The following DUSP1 variants were observed in gnomAD, a reference collection of about 807,000 sequenced individuals.
DUSP1 encodes dual specificity protein phosphatase 1.
A neutral mutation model predicts 27.4 loss-of-function variants in DUSP1; 10 were observed. The observed-to-expected ratio is 0.37, with a 90% CI of 0.23 to 0.62. The LOEUF (loss-of-function observed/expected upper bound fraction) is 0.62, where lower values mean the gene tolerates loss of function less well. Among genes scored for constraint, DUSP1 ranks in the 20% least tolerant of loss-of-function variants. DUSP1 has a pLI of 0.68. For synonymous variants in DUSP1, 262 were observed against 223.6 expected (o/e 1.17, Z -1.53); for missense variants, 425 against 508.1 (o/e 0.84, Z 1.57).
intron 2 of DUSP1, 47 bp downstream of exon 2, chr5:172,770,114 C>T (rs183721361): frequency 4.6e-6 from 7 of 1,530,998 alleles, no homozygotes; most frequent in Non-Finnish European, 6.1e-6. Context: ...CTCTTCCATG[C>T]CTTTGCCAGT....
rs1174745207 is a variant in DUSP1 at position 172,770,884 on chromosome 5, T to C, written c.69A>G (p.Gln23=). The change falls in exon 1 of 4, where the codon CAA becomes CAG. Residue 23 remains glutamine (Q), a synonymous_variant. Coordinates refer to ENST00000239223, the MANE Select transcript of DUSP1 (RefSeq NM_004417.4). ...LRALLGERAA[Q]CLLLDCRSFF... is the part of the protein sequence containing the mutation. Reference sequence around the variant, plus strand: ...AGGAGCGGCAGTCCAGCAGCAGGCATTGCGCCGCTCGCTCCCCCAGCAGCG... The same window carrying C: ...AGGAGCGGCAGTCCAGCAGCAGGCACTGCGCCGCTCGCTCCCCCAGCAGCG... The C allele has an allele frequency of 5.2e-6, 8 of 1,532,614 alleles. No homozygotes were observed. Among genetic ancestry groups the C allele is most frequent in the Non-Finnish European group, 7.0e-6 (8 of 1,145,520 alleles). 94.9% of individuals were successfully genotyped at this position (1,532,614 alleles called of 1,614,324 possible). A position where few individuals can be genotyped will look rare whatever the true frequency, so the allele number is the denominator to read the frequency against.
Position 172,769,741 on chromosome 5 carries a change from A to C in DUSP1, c.567T>G (p.Ala189=), listed in dbSNP as rs763013896. The C allele has an allele frequency of 6.2e-7, 1 of 1,614,274 alleles. No individual in the cohort carries two copies. The highest frequency in any genetic ancestry group is 8.5e-7 in the Non-Finnish European group (1 of 1,180,048). ...PFLYLGSAYH[A]SRKDMLDALG... is the part of the protein sequence containing the mutation. ...AGGCATCCAGCATGTCCTTGCGGGA[A>C]GCGTGATACGCACTGCCCAGGTACA... Residue 189 remains alanine (A), a synonymous_variant, in exon 3 of 4, where the codon GCT becomes GCG. Coordinates refer to ENST00000239223, the MANE Select transcript of DUSP1 (RefSeq NM_004417.4).
At chr5:172,770,382 C>T in intron 1 of DUSP1, 76 bp from the exon 2 acceptor site, 1 of 1,589,520 alleles carries the variant, frequency 6.3e-7, no homozygotes, top group Non-Finnish European at 8.5e-7. Context: ...CCCCCACCCA[C>T]CAAGGGCTGG....
At chr5:172,769,821 A>G (rs1759855115) in intron 2 of DUSP1, 27 bp from the exon 3 acceptor site, 2 of 1,605,848 alleles carry the variant, frequency 1.2e-6, no homozygotes, top group Non-Finnish European at 1.7e-6. Flanking sequence ...TCCAACATTC[A>G]TCAAGCTTGC....
In DUSP1 at chr5:172,769,023, C is replaced by T. The variant is rs758258767; in HGVS notation, c.843G>A (p.Leu281=). The part of the protein sequence containing the change: ...AYLMRTNRVK[L]DEAFEFVKQR... ...GCTTCACAAACTCAAAGGCCTCGTC[C>T]AGCTTGACTCGATTAGTCCTCATAA... The change falls in exon 4 of 4, where the codon CTG becomes CTA. Residue 281 remains leucine (L), a synonymous_variant. Transcript: ENST00000239223. The T allele has an allele frequency of 1.9e-6, 3 of 1,614,096 alleles. No individual in the cohort carries two copies. The African/African-American group carries it at 4.0e-5, about 22-fold the overall frequency.
At position 172,768,411 on chromosome 5, in the gene DUSP1, A is replaced by G. The variant is rs982716692; in HGVS notation, c.*351T>C. 17 of 192,128 alleles carry G rather than the reference A, an allele frequency of 8.8e-5. No homozygotes were observed. The highest frequency in any genetic ancestry group is 1.8e-4 in the Admixed American group (3 of 16,518). 11.9% of individuals were successfully genotyped at this position (192,128 alleles called of 1,614,324 possible). On this transcript the variant is annotated 3_prime_UTR_variant, in exon 4 of 4. Transcript: ENST00000239223. ...ATAAATAAGGTATATTCTCATATGT[A>G]TATGTGTCGTCGGGAATAATACTGG... is the stretch of plus-strand genomic sequence containing the variant.
In DUSP1 at chr5:172,768,316, CA is replaced by C. The variant is rs1682364930; in HGVS notation, c.*445del. ...TACAGGATAGTACAGTACTCAAAAA[CA>C]AAAATTGAGGTATTTGGTTCTTCTA... On this transcript the variant is annotated 3_prime_UTR_variant, in exon 4 of 4. Coordinates refer to ENST00000239223, the MANE Select transcript of DUSP1 (RefSeq NM_004417.4). 1 of 154,150 alleles carries C rather than the reference CA, an allele frequency of 6.5e-6. No homozygotes were observed. The highest frequency in any genetic ancestry group is 2.4e-5 in the African/African-American group (1 of 41,452). The allele number at this position is 154,150 out of a possible 1,614,324, so 9.5% of individuals were successfully genotyped here. A position where few individuals can be genotyped will look rare whatever the true frequency, so the allele number is the denominator to read the frequency against.
Position 172,771,130 on chromosome 5 carries a change from C to T in DUSP1, c.-178G>A, listed in dbSNP as rs1229176207. 26 of 882,886 alleles carry T rather than the reference C, an allele frequency of 2.9e-5. No individual in the cohort carries two copies. The highest frequency in any genetic ancestry group is 9.2e-6 in the Non-Finnish European group (6 of 652,816). 54.7% of individuals were successfully genotyped at this position (882,886 alleles called of 1,614,324 possible). On this transcript the variant is annotated 5_prime_UTR_variant, in exon 1 of 4. Transcript: ENST00000239223. The stretch of plus-strand genomic sequence containing the variant: ...TCACGCGGGGCTCCGGGCTCCTCGG[C>T]TTCTTCGCGGTTCCCCCGACTGCCC...
chr5:172,768,834 G>A lies in DUSP1; in HGVS notation c.1032C>T (p.Ser344=). ...STTTVFNFPV[S]IPVHSTNSAL... is the part of the protein sequence containing the mutation. ...CACTGTTCGTGGAGTGGACAGGGAT[G>A]GAGACGGGGAAGTTGAACACGGTGG... The change falls in exon 4 of 4, where the codon TCC becomes TCT. Residue 344 remains serine (S), a synonymous_variant. Transcript: ENST00000239223. 2 of 1,593,016 alleles carry A rather than the reference G, an allele frequency of 1.3e-6. No homozygotes were observed. Among genetic ancestry groups the A allele is most frequent in the African/African-American group, 1.3e-5 (1 of 74,804 alleles).
In DUSP1 at chr5:172,768,245, TG is replaced by T. The variant is rs1446740333; in HGVS notation, c.*516del. 6.6e-6 allele frequency: 1 copy of T among 152,618 alleles called. No individual in the cohort carries two copies. Among genetic ancestry groups the T allele is most frequent in the Non-Finnish European group, 1.5e-5 (1 of 68,080 alleles). 9.5% of individuals were successfully genotyped at this position (152,618 alleles called of 1,614,324 possible). ...TGGCAACTAAAAAAAAACCCAACAC[TG>T]GTATTTTCCATCAGTGCTGAAAACA... On this transcript the variant is annotated 3_prime_UTR_variant, in exon 4 of 4. Transcript: ENST00000239223.
Position 172,770,819 on chromosome 5 carries a change from T to C in DUSP1, c.134A>G (p.Asn45Ser). The C allele has an allele frequency of 1.3e-6, 2 of 1,526,410 alleles. No homozygotes were observed. The highest frequency in any genetic ancestry group is 1.8e-6 in the Non-Finnish European group (2 of 1,142,286). The allele number at this position is 1,526,410 out of a possible 1,614,324, so 94.6% of individuals were successfully genotyped here. Residue 45 changes from asparagine (N) to serine (S), a missense_variant, in exon 1 of 4, where the codon AAC becomes AGC. This residue lies in a region of DUSP1 where 282 missense variants were observed against 319.3 expected (regional missense o/e 0.88). Coordinates refer to ENST00000239223, the MANE Select transcript of DUSP1 (RefSeq NM_004417.4). The part of the protein sequence containing the change: ...FNAGHIAGSV[N>S]VRFSTIVRRR... ...CCGCACGATGGTGCTGAAGCGCACG[T>C]TGACAGAGCCGGCGATGTGGCCGGC...
In DUSP1 at chr5:172,770,797, C is replaced by A; in HGVS notation, c.156G>T (p.Val52=). Residue 52 remains valine (V), a synonymous_variant, in exon 1 of 4, where the codon GTG becomes GTT. Transcript: ENST00000239223. ...CCATGGCGCCCTTGGCCCGGCGCCG[C>A]ACGATGGTGCTGAAGCGCACGTTGA... ...GSVNVRFSTI[V]RRRAKGAMGL... 1.3e-6 allele frequency: 2 copies of A among 1,510,486 alleles called. No homozygotes were observed. Among genetic ancestry groups the A allele is most frequent in the Non-Finnish European group, 8.8e-7 (1 of 1,135,188 alleles). The allele number at this position is 1,510,486 out of a possible 1,614,324, so 93.6% of individuals were successfully genotyped here. A position where few individuals can be genotyped will look rare whatever the true frequency, so the allele number is the denominator to read the frequency against.
chr5:172,770,369 A>G (rs922485017), intron 1 of DUSP1, 63 bp from the exon 2 acceptor site: 2 of 1,596,488 alleles, frequency 1.3e-6, no homozygotes, highest in African/African-American at 2.7e-5. Context: ...CCTTCATACA[A>G]CTCCCCCACC....
Position 172,768,675 on chromosome 5 carries a change from C to A in DUSP1, c.*87G>T. On this transcript the variant is annotated 3_prime_UTR_variant, in exon 4 of 4. Coordinates refer to ENST00000239223, the MANE Select transcript of DUSP1 (RefSeq NM_004417.4). ...TTAAATAAATAAGGACCAGCCCTCTCGAGCCCCTCCCAGAGTTATTGCATT... is the reference window on the plus strand; with the variant it reads ...TTAAATAAATAAGGACCAGCCCTCTAGAGCCCCTCCCAGAGTTATTGCATT... 1.4e-6 allele frequency: 2 copies of A among 1,438,192 alleles called. No individual in the cohort carries two copies. Among genetic ancestry groups the A allele is most frequent in the South Asian group, 1.7e-5 (1 of 60,530 alleles). 89.1% of individuals were successfully genotyped at this position (1,438,192 alleles called of 1,614,324 possible). A position where few individuals can be genotyped will look rare whatever the true frequency, so the allele number is the denominator to read the frequency against.
chr5:172,769,032 T>C lies in DUSP1; in HGVS notation c.834A>G (p.Arg278=). 1.9e-6 allele frequency: 3 copies of C among 1,614,138 alleles called. No individual in the cohort carries two copies. Among genetic ancestry groups the C allele is most frequent in the Non-Finnish European group, 2.5e-6 (3 of 1,180,016 alleles). ...ICLAYLMRTN[R]VKLDEAFEFV... is the part of the protein sequence containing the mutation. ...ACTCAAAGGCCTCGTCCAGCTTGAC[T>C]CGATTAGTCCTCATAAGGTAAGCAA... The change falls in exon 4 of 4, where the codon CGA becomes CGG. Residue 278 remains arginine (R), a synonymous_variant. Transcript: ENST00000239223.
chr5:172,770,638 C>T lies in DUSP1; in HGVS notation c.315G>A (p.Ala105=), dbSNP rs966914280. ...GAKRDGTLAL[A]AGALCREARA... Reference sequence around the variant, plus strand: ...GCGCCTCGCGGCAGAGCGCGCCGGCCGCCAGGGCCAGGGTGCCGTCGCGCT... The same window carrying T: ...GCGCCTCGCGGCAGAGCGCGCCGGCTGCCAGGGCCAGGGTGCCGTCGCGCT... Residue 105 remains alanine (A), a synonymous_variant, in exon 1 of 4, where the codon GCG becomes GCA. Transcript: ENST00000239223. 1.5e-6 allele frequency: 2 copies of T among 1,304,876 alleles called. No homozygotes were observed. The highest frequency in any genetic ancestry group is 2.6e-5 in the South Asian group (1 of 39,042). The allele number at this position is 1,304,876 out of a possible 1,614,324, so 80.8% of individuals were successfully genotyped here.
At chr5:172,769,185 A>C in intron 3 of DUSP1, 53 bp from the exon 4 acceptor site, 1 of 1,556,904 alleles carries the variant, frequency 6.4e-7, no homozygotes, top group Non-Finnish European at 8.6e-7. Context: ...GAACCACCCC[A>C]AGCCCAGGTA....
chr5:172,770,555 C>T (rs1325981519), intron 1 of DUSP1, 31 bp downstream of exon 1: 2 of 1,415,520 alleles, frequency 1.4e-6, no homozygotes, highest in Non-Finnish European at 1.8e-6. Context: ...CAGGGGTGTG[C>T]GGCCCGCCCC....
Position 172,768,205 on chromosome 5 carries a change from C to A in DUSP1, c.*557G>T, listed in dbSNP as rs1759820582. 1.3e-5 allele frequency: 2 copies of A among 150,154 alleles called. No individual in the cohort carries two copies. The highest frequency in any genetic ancestry group is 1.3e-4 in the Admixed American group (2 of 14,964). 9.3% of individuals were successfully genotyped at this position (150,154 alleles called of 1,614,324 possible). ...ATTATTTCAGGTCATAAATAATCAG[C>A]AAACATACAACTGTTGGCAACTAAA... On this transcript the variant is annotated 3_prime_UTR_variant, in exon 4 of 4. Transcript: ENST00000239223.
Sources: gnomAD v4.1 joint callset for allele counts on GRCh38, gnomAD v4.1.1 for gene constraint, gnomAD v4.1.1 regional missense constraint, MANE v1.5 for transcripts, NCBI Gene and HGNC (gene_info 2026-07-23, HGNC 2026-07-21) for gene names.